The following TLL1 variants were observed in gnomAD, a reference collection of about 807,000 sequenced individuals.
TLL1 encodes tolloid-like protein 1.
Under a neutral mutation model 128.2 loss-of-function variants are expected in TLL1, and 49 were observed. The observed-to-expected ratio is 0.38, with a 90% confidence interval of 0.30 to 0.48. The LOEUF (loss-of-function observed/expected upper bound fraction) is 0.48, where lower values mean the gene tolerates loss of function less well. TLL1 is among the 20% of genes least tolerant of loss of function. The probability of loss-of-function intolerance (pLI) is 0.96; values close to 1 mark genes in which losing one functional copy is unlikely to be tolerated. For missense variants in TLL1, 1,123 were observed against 1,242.0 expected, an observed-to-expected ratio of 0.90 and a Z score of 1.44; for synonymous variants, 454 against 418.8, an observed-to-expected ratio of 1.08 and a Z score of -1.03.
intron 18 of TLL1, among the ~76,000 whole-genome samples, chr4:166,088,143 T>C (rs1254182742): frequency 6.6e-6 from 1 of 152,170 alleles, no homozygotes; most frequent in Admixed American, 6.6e-5. Flanking sequence ...CTTTATACAT[T>C]CAGCCTTGCT....
At chr4:165,983,797 T>A (rs1415138535) in intron 1 of TLL1, among the ~76,000 whole-genome samples, 1 of 151,748 alleles carries the variant, frequency 6.6e-6, no homozygotes, top group African/African-American at 2.4e-5. Flanking sequence ...TATATAGTAC[T>A]CCTACCATCT....
chr4:165,936,206 A>ATTTTTTTTTTTTTTTTTTTTTTTTTTT (rs199985086), intron 1 of TLL1, among the ~76,000 whole-genome samples: 1 of 139,602 alleles, frequency 7.2e-6, no homozygotes, highest in South Asian at 2.2e-4. Context: ...ATATATATAT[A>ATTTTTTTTTTTTTTTTTTTTTTTTTTT]TTTTTTTTTC....
At chr4:166,070,659 G>A (rs1356693175) in intron 16 of TLL1, among the ~76,000 whole-genome samples, 1 of 151,872 alleles carries the variant, frequency 6.6e-6, no homozygotes, top group Admixed American at 6.6e-5. Context: ...ATTTCTGTCT[G>A]TAACAAATGG....
Position 166,072,046 on chromosome 4 carries a change from T to C in TLL1, c.2189-2832T>C, listed in dbSNP as rs909768177. 3.9e-5 allele frequency among the ~76,000 whole-genome samples: 6 copies of C among 152,136 alleles called. No homozygotes were observed. The South Asian group carries it at 6.2e-4, about 16-fold the overall frequency. On this transcript the variant is annotated intron_variant, in intron 16 of 20. Transcript: ENST00000061240. ...GATTTCCTGAAATTTTCTCTTTTCA[T>C]ATGACTATTTGACACATGGAGGCAC...
chr4:166,025,824 A>G (rs1738469441), intron 9 of TLL1, among the ~76,000 whole-genome samples: 1 of 152,150 alleles, frequency 6.6e-6, no homozygotes, highest in African/African-American at 2.4e-5. Context: ...TCAGAAAAAT[A>G]TTGAAGACCA....
At position 165,883,736 on chromosome 4, in the gene TLL1, G is replaced by A. The variant is rs567275783; in HGVS notation, c.169+9663G>A. On this transcript the variant is annotated intron_variant, in intron 1 of 20. Transcript: ENST00000061240. ...TAAATGTCTTTGTTTCTTCCCATGC[G>A]TAAAAACATTTCATATCTCAAGTCC... Among the ~76,000 whole-genome samples the A allele has an allele frequency of 7.2e-5, 11 of 152,138 alleles. No individual in the cohort carries two copies. The South Asian group carries it at 1.9e-3, about 26-fold the overall frequency.
rs73863550 is a variant in TLL1, at chr4:166,075,548, C to T, written c.2314+545C>T. On this transcript the variant is annotated intron_variant, in intron 17 of 20. Transcript: ENST00000061240. ...TTAATAGTAGCACAATCATACCCTA[C>T]CAGATTTCGTCCCCAAGGCCTTACA... Among the ~76,000 whole-genome samples, 1,471 of 152,258 alleles carry T rather than the reference C, an allele frequency of 9.7e-3. 26 individuals carry two copies. Among genetic ancestry groups the T allele is most frequent in the African/African-American group, 0.033 (1,364 of 41,562 alleles).
chr4:166,083,825 T>C (rs1384215369), intron 18 of TLL1, among the ~76,000 whole-genome samples: 2 of 152,170 alleles, frequency 1.3e-5, no homozygotes, highest in African/African-American at 4.8e-5. Flanking sequence ...TCTTGGCTAT[T>C]GTGAATAGTG....
chr4:166,088,846 A>T (rs774549165), intron 18 of TLL1, among the ~76,000 whole-genome samples: 1 of 152,118 alleles, frequency 6.6e-6, no homozygotes, highest in African/African-American at 2.4e-5. Context: ...TGTTAAGCAG[A>T]TGTTATGATT....
chr4:165,894,808 TTTAA>T (rs1222381566), intron 1 of TLL1, among the ~76,000 whole-genome samples: 2 of 151,782 alleles, frequency 1.3e-5, no homozygotes. Flanking sequence ...TTCTGGAGTT[TTTAA>T]TTAGGAATGC....
chr4:166,088,779 T>C (rs1464766900), intron 18 of TLL1, among the ~76,000 whole-genome samples: 1 of 152,054 alleles, frequency 6.6e-6, no homozygotes, highest in East Asian at 1.9e-4. Context: ...AGACCAGCTG[T>C]CAGTATGGCC....
chr4:166,046,144 A>G (rs566829856), intron 12 of TLL1, among the ~76,000 whole-genome samples: 1 of 152,332 alleles, frequency 6.6e-6, no homozygotes, highest in East Asian at 1.9e-4. Context: ...TGTGAGATTA[A>G]TGTTGGGTAA....
At chr4:165,945,281 C>A (rs533415101) in intron 1 of TLL1, among the ~76,000 whole-genome samples, 2 of 151,724 alleles carry the variant, frequency 1.3e-5, no homozygotes, top group East Asian at 3.9e-4. Context: ...GAGGATCTAA[C>A]GGCAGCATAT....
chr4:166,088,873 C>A (rs1030900553), intron 18 of TLL1, among the ~76,000 whole-genome samples: 2 of 152,054 alleles, frequency 1.3e-5, no homozygotes, highest in African/African-American at 4.8e-5. Context: ...AGACGTCCTG[C>A]GTTTCATTAG....
At chr4:166,022,681 CTATG>C (rs1738299584) in intron 8 of TLL1, among the ~76,000 whole-genome samples, 4 of 152,118 alleles carry the variant, frequency 2.6e-5, no homozygotes, top group Admixed American at 2.0e-4. Context: ...ATAAAAGTAA[CTATG>C]TAATTAAAAG....
chr4:165,979,251 G>T (rs2110992987), intron 1 of TLL1, among the ~76,000 whole-genome samples: 1 of 152,142 alleles, frequency 6.6e-6, no homozygotes, highest in East Asian at 1.9e-4. Flanking sequence ...GTTTGTATTA[G>T]GGAAAAGTTT....
At chr4:166,089,429 G>T (rs1356779107) in intron 18 of TLL1, among the ~76,000 whole-genome samples, 1 of 152,082 alleles carries the variant, frequency 6.6e-6, no homozygotes, top group Non-Finnish European at 1.5e-5. Flanking sequence ...CTAGGTTTTT[G>T]GGTAAATACA....
chr4:165,972,448 C>G (rs1373339556), intron 1 of TLL1, among the ~76,000 whole-genome samples: 2 of 152,088 alleles, frequency 1.3e-5, no homozygotes, highest in Non-Finnish European at 2.9e-5. Flanking sequence ...CATATGGGTT[C>G]CAGGTTTGAA....
At chr4:165,945,480 C>A (rs568763570) in intron 1 of TLL1, among the ~76,000 whole-genome samples, 1 of 151,924 alleles carries the variant, frequency 6.6e-6, no homozygotes, top group Non-Finnish European at 1.5e-5. Context: ...AATGGTAGGG[C>A]TTTCAGTGTG....
Sources: allele counts gnomAD v4.1 joint callset (sites outside exome capture counted in the v4.1 genomes callset), GRCh38; gene constraint gnomAD v4.1.1; transcripts MANE v1.5; gene names NCBI Gene and HGNC (gene_info 2026-07-23, HGNC 2026-07-21).